Variants in RBFOX1 observed in about 807,000 individuals in gnomAD.
RBFOX1 encodes RNA binding protein fox-1 homolog 1.
Under a neutral mutation model 57.7 loss-of-function variants are expected in RBFOX1, and 8 were observed. That is an observed-to-expected ratio of 0.14 (90% CI 0.08 to 0.25). The LOEUF is 0.25. Ranked by LOEUF, RBFOX1 falls within the 10% of genes least tolerant of loss-of-function variation. The pLI, the probability that RBFOX1 is intolerant of heterozygous loss-of-function variation, is 1.00. For missense variants in RBFOX1, 611 were observed against 548.5 expected (o/e 1.11, Z -1.14); for synonymous variants, 326 against 222.4 (o/e 1.47, Z -4.15).
intron 1 of RBFOX1, among the ~76,000 whole-genome samples, chr16:5,257,945 C>T (rs1298534589): frequency 6.6e-6 from 1 of 152,156 alleles, no homozygotes; most frequent in East Asian, 1.9e-4. Flanking sequence ...GTGGTGTGAC[C>T]TTGGCTCACT....
chr16:6,311,062 C>T (rs140751570), intron 1 of RBFOX1, among the ~76,000 whole-genome samples: 212 of 152,002 alleles, frequency 1.4e-3, no homozygotes, highest in African/African-American at 4.9e-3. Flanking sequence ...TTTGGGAGGC[C>T]AAGGCGGGCA....
intron 1 of RBFOX1, among the ~76,000 whole-genome samples, chr16:6,042,510 A>G (rs775990587): frequency 2.0e-5 from 3 of 152,192 alleles, no homozygotes; most frequent in Non-Finnish European, 2.9e-5. Flanking sequence ...TCCATCTGCA[A>G]ACTTAATTTA....
intron 4 of RBFOX1, among the ~76,000 whole-genome samples, chr16:5,889,854 A>T (rs1365024335): frequency 6.6e-6 from 1 of 152,242 alleles, no homozygotes; most frequent in African/African-American, 2.4e-5. Flanking sequence ...TTTTAAAGAC[A>T]TGAATTCACC....
chr16:6,883,091 G>T (rs1330726947), intron 3 of RBFOX1, among the ~76,000 whole-genome samples: 3 of 152,104 alleles, frequency 2.0e-5, no homozygotes, highest in Non-Finnish European at 4.4e-5. Context: ...TATTAATGAT[G>T]TAATTAGTAT....
chr16:6,767,127 C>A (rs567766155), intron 3 of RBFOX1, among the ~76,000 whole-genome samples: 3 of 152,230 alleles, frequency 2.0e-5, no homozygotes, highest in African/African-American at 4.8e-5. Flanking sequence ...ACCTCTCTTG[C>A]ATTTTTCCTC....
At chr16:6,205,722 A>G (rs1280525576) in intron 1 of RBFOX1, among the ~76,000 whole-genome samples, 1 of 151,948 alleles carries the variant, frequency 6.6e-6, no homozygotes, top group Non-Finnish European at 1.5e-5. Flanking sequence ...TCTTTGTATA[A>G]AAATGGAAAG....
At chr16:7,688,034 A>C (rs1364907474) in intron 14 of RBFOX1, among the ~76,000 whole-genome samples, 2 of 152,098 alleles carry the variant, frequency 1.3e-5, no homozygotes, top group Non-Finnish European at 2.9e-5. Context: ...ATTAAAAAAC[A>C]AAGTATTGGC....
chr16:5,955,210 A>C (rs184165507), intron 4 of RBFOX1, among the ~76,000 whole-genome samples: 2,066 of 144,422 alleles, frequency 0.014, 213 homozygotes, highest in African/African-American at 0.051. Context: ...TGAACCAGGA[A>C]GCTGAGGCTG....
At chr16:5,566,659 T>C (rs1041266583) in intron 2 of RBFOX1, among the ~76,000 whole-genome samples, 10 of 124,756 alleles carry the variant, frequency 8.0e-5, no homozygotes, top group African/African-American at 3.3e-4. Flanking sequence ...TATGTGTATA[T>C]ATGTATATGT....
At chr16:5,386,456 A>G (rs2066259843) in intron 1 of RBFOX1, among the ~76,000 whole-genome samples, 1 of 152,086 alleles carries the variant, frequency 6.6e-6, no homozygotes, top group Non-Finnish European at 1.5e-5. Flanking sequence ...TCCAGCATAG[A>G]AGCCAAAGCT....
intron 1 of RBFOX1, among the ~76,000 whole-genome samples, chr16:6,243,831 G>T (rs758289743): frequency 6.6e-6 from 1 of 152,176 alleles, no homozygotes; most frequent in Non-Finnish European, 1.5e-5. Flanking sequence ...GGGAGATCCT[G>T]CCTGAGATGA....
chr16:7,592,567 G>T (rs1207691820), intron 7 of RBFOX1, among the ~76,000 whole-genome samples: 1 of 152,260 alleles, frequency 6.6e-6, no homozygotes, highest in African/African-American at 2.4e-5. Context: ...TACCAGTGGG[G>T]CTATGGATTT....
At chr16:5,598,578 A>G (rs1162014394) in intron 2 of RBFOX1, among the ~76,000 whole-genome samples, 1 of 152,252 alleles carries the variant, frequency 6.6e-6, no homozygotes, top group Non-Finnish European at 1.5e-5. Context: ...TAATCGATAT[A>G]AAAATAATGA....
At chr16:7,114,940 T>C (rs913690991) in intron 4 of RBFOX1, among the ~76,000 whole-genome samples, 1 of 152,164 alleles carries the variant, frequency 6.6e-6, no homozygotes, top group Non-Finnish European at 1.5e-5. Context: ...ATCACTTAGC[T>C]GTGAAGCCTC....
At chr16:6,765,095 G>C (rs1297340135) in intron 3 of RBFOX1, among the ~76,000 whole-genome samples, 1 of 152,110 alleles carries the variant, frequency 6.6e-6, no homozygotes, top group Non-Finnish European at 1.5e-5. Context: ...AGGGAATCTG[G>C]GGAAGCGTGC....
intron 3 of RBFOX1, among the ~76,000 whole-genome samples, chr16:6,952,841 G>T (rs764184307): frequency 6.6e-5 from 10 of 151,896 alleles, no homozygotes; most frequent in Non-Finnish European, 1.5e-4. Context: ...TGGGTATGGT[G>T]GTGCATGCCT....
intron 3 of RBFOX1, among the ~76,000 whole-genome samples, chr16:6,939,295 C>G (rs186734788): frequency 2.0e-5 from 3 of 151,798 alleles, no homozygotes; most frequent in African/African-American, 7.3e-5. Context: ...TATTTTGGGC[C>G]AATTTTGCTT....
intron 3 of RBFOX1, among the ~76,000 whole-genome samples, chr16:7,034,757 G>T (rs961883613): frequency 2.0e-5 from 3 of 150,196 alleles, no homozygotes; most frequent in Middle Eastern, 3.2e-3. Flanking sequence ...CCTGGGGTTT[G>T]GGGGAGGGGT....
chr16:6,398,632 T>G (rs1274057075), intron 2 of RBFOX1, among the ~76,000 whole-genome samples: 2 of 152,226 alleles, frequency 1.3e-5, no homozygotes, highest in East Asian at 3.9e-4. Flanking sequence ...TGAGCTCCTT[T>G]GACTCCATGT....
Sources: gnomAD v4.1 joint callset for allele counts (sites outside exome capture counted in the v4.1 genomes callset) on GRCh38, gnomAD v4.1.1 for gene constraint, MANE v1.5 for transcripts, NCBI Gene and HGNC (gene_info 2026-07-23, HGNC 2026-07-21) for gene names.